CDC73: variants seen among roughly 807,000 people sequenced by gnomAD.
CDC73 encodes the protein parafibromin.
CDC73 carries 21 observed loss-of-function variants against 83.7 expected under a neutral mutation model. The ratio of observed to expected loss-of-function variants is 0.25; its 90% confidence interval spans 0.18 to 0.36. CDC73 has a LOEUF of 0.36. Ranked by LOEUF, CDC73 falls within the 10% of genes least tolerant of loss-of-function variation. CDC73 has a pLI of 1.00. For missense variants in CDC73, 342 were observed against 653.3 expected (o/e 0.52, Z 5.19); for synonymous variants, 224 against 212.9 (o/e 1.05, Z -0.45).
intron 10 of CDC73, among the ~76,000 whole-genome samples, chr1:193,153,671 T>C (rs1054404189): frequency 1.3e-5 from 2 of 152,242 alleles, no homozygotes; most frequent in African/African-American, 2.4e-5. Flanking sequence ...ATATCAGATA[T>C]TTTGTTAATA....
intron 13 of CDC73, among the ~76,000 whole-genome samples, chr1:193,227,002 T>C (rs1388139982): frequency 1.3e-5 from 2 of 152,176 alleles, no homozygotes; most frequent in African/African-American, 4.8e-5. Flanking sequence ...CTGCTTGTTA[T>C]TGGTCTGTTT....
chr1:193,168,426 A>G (rs1483759888), intron 10 of CDC73, among the ~76,000 whole-genome samples: 2 of 152,172 alleles, frequency 1.3e-5, no homozygotes, highest in Non-Finnish European at 2.9e-5. Context: ...AGTAAGGTAA[A>G]GCAATATAAT....
At chr1:193,227,816 G>A (rs1304649869) in intron 13 of CDC73, among the ~76,000 whole-genome samples, 1 of 152,162 alleles carries the variant, frequency 6.6e-6, no homozygotes, top group East Asian at 1.9e-4. Context: ...GGCCAGAGGT[G>A]ATTTGTTCAA....
chr1:193,127,654 A>G (rs1231449025), intron 2 of CDC73, among the ~76,000 whole-genome samples: 2 of 152,092 alleles, frequency 1.3e-5, no homozygotes, highest in African/African-American at 2.4e-5. Flanking sequence ...TGTAATTGTT[A>G]CTGTGGACCT....
At position 193,187,102 on chromosome 1, in the gene CDC73, TCC is replaced by T. The variant is rs3079946; in HGVS notation, c.973-16684_973-16683del. Among the ~76,000 whole-genome samples the T allele has an allele frequency of 3.0e-4, 10 of 32,876 alleles. 4 individuals are homozygous for T. The Middle Eastern group carries it at 0.15, about 500-fold the overall frequency. 21.6% of individuals were successfully genotyped at this position (32,876 alleles called of 152,430 possible). A position where few individuals can be genotyped will look rare whatever the true frequency, so the allele number is the denominator to read the frequency against. Reference sequence around the variant, plus strand: ...AAACCATGTATCTTTGTAATTTAGATCCCCCCCCCCGTTTTCTGGGGTTTGTA... The same window carrying T: ...AAACCATGTATCTTTGTAATTTAGATCCCCCCCCGTTTTCTGGGGTTTGTA... On this transcript the variant is annotated intron_variant, in intron 10 of 16. Coordinates refer to ENST00000367435, the MANE Select transcript of CDC73 (RefSeq NM_024529.5).
intron 10 of CDC73, among the ~76,000 whole-genome samples, chr1:193,167,163 C>T (rs1676448074): frequency 6.6e-6 from 1 of 152,124 alleles, no homozygotes; most frequent in Non-Finnish European, 1.5e-5. Context: ...CTTAGATGGA[C>T]TAAATTTGCC....
intron 5 of CDC73, among the ~76,000 whole-genome samples, chr1:193,137,148 C>CA (rs1403476974): frequency 6.6e-6 from 1 of 152,140 alleles, no homozygotes; most frequent in African/African-American, 2.4e-5. Flanking sequence ...ATCTAGGCTG[C>CA]AGTTATCTTT....
At chr1:193,136,465 ATTC>A (rs1186921188) in intron 5 of CDC73, 1 of 278,184 alleles carries the variant, frequency 3.6e-6, no homozygotes, top group Non-Finnish European at 8.3e-6. Flanking sequence ...GCTATGTGTT[ATTC>A]TAAGTACTTT....
intron 2 of CDC73, 145 bp downstream of exon 2, chr1:193,125,362 G>T: frequency 1.5e-6 from 1 of 677,204 alleles, no homozygotes; most frequent in Non-Finnish European, 2.7e-6. Flanking sequence ...AGGCTCAAGT[G>T]ATCTTCCCAC....
rs574554686 is a variant in CDC73 at position 193,234,382 on chromosome 1, A to G, written c.1316+1228A>G. On this transcript the variant is annotated intron_variant, in intron 14 of 16. Transcript: ENST00000367435. ...TTTAAAATTATAATTCTTCTCTGGT[A>G]CCTAATAGATACTTTGAGTAATATA... Among the ~76,000 whole-genome samples, 84 of 145,268 alleles carry G rather than the reference A, an allele frequency of 5.8e-4. No homozygotes were observed. In the Middle Eastern group the frequency reaches 0.011, roughly 19 times the overall value.
intron 1 of CDC73, 52 bp downstream of exon 1, chr1:193,122,383 C>T (rs1312032933): frequency 2.1e-5 from 34 of 1,611,540 alleles, no homozygotes; most frequent in Non-Finnish European, 2.9e-5. Context: ...GTTGGGCGCC[C>T]CCAGGCGACC....
chr1:193,147,364 T>TAA (rs1676019478), intron 7 of CDC73, among the ~76,000 whole-genome samples: 1 of 150,602 alleles, frequency 6.6e-6, no homozygotes, highest in Admixed American at 6.6e-5. Flanking sequence ...TTGTAGCAGT[T>TAA]TTTTTTTTCT....
intron 10 of CDC73, chr1:193,181,377 G>A (rs1175722246): frequency 6.2e-7 from 1 of 1,614,062 alleles, no homozygotes; most frequent in African/African-American, 1.3e-5. Flanking sequence ...CTCGGAAAGT[G>A]TATGTCACAG....
intron 13 of CDC73, among the ~76,000 whole-genome samples, chr1:193,231,980 A>G (rs1333832987): frequency 3.3e-5 from 5 of 152,184 alleles, no homozygotes; most frequent in Non-Finnish European, 7.4e-5. Flanking sequence ...TTATGTATAT[A>G]TTTAGAAAAT....
In CDC73 at chr1:193,233,004, C is replaced by T; in HGVS notation, c.1166C>T (p.Ser389Leu). ...CTGTTTTTTCAAAGATTTGTCCCAT[C>T]AGATGAAAAGAAGAAACAAGGTTGT... Reference protein sequence around the residue: ...DLLQDLKFVPSDEKKKQGCQR... With the variant: ...DLLQDLKFVPLDEKKKQGCQR... Residue 389 changes from serine to leucine, a missense_variant, in exon 14 of 17, where the codon TCA (serine) becomes TTA (leucine). Physicochemically the swap from Ser to Leu is moderately radical, Grantham distance 145. Coordinates refer to ENST00000367435, the MANE Select transcript of CDC73 (RefSeq NM_024529.5). 1.2e-6 allele frequency: 2 copies of T among 1,613,242 alleles called. No individual in the cohort carries two copies. The highest frequency in any genetic ancestry group is 1.7e-6 in the Non-Finnish European group (2 of 1,179,372).
chr1:193,145,185 A>G (rs143562730), intron 7 of CDC73, among the ~76,000 whole-genome samples: 1 of 152,346 alleles, frequency 6.6e-6, no homozygotes, highest in East Asian at 1.9e-4. Flanking sequence ...AAGTTCATTT[A>G]AAGTGCAAGG....
At chr1:193,145,248 A>C (rs140794084) in intron 7 of CDC73, among the ~76,000 whole-genome samples, 1 of 152,322 alleles carries the variant, frequency 6.6e-6, no homozygotes, top group Non-Finnish European at 1.5e-5. Context: ...TGTGGTTTCC[A>C]TGTTGCATTA....
intron 10 of CDC73, among the ~76,000 whole-genome samples, chr1:193,188,602 C>G (rs1676864210): frequency 6.6e-6 from 1 of 151,992 alleles, no homozygotes; most frequent in Admixed American, 6.6e-5. Context: ...ATAGGGGATA[C>G]AAAGTTGATT....
chr1:193,221,581 C>CA (rs1387026691), intron 13 of CDC73, among the ~76,000 whole-genome samples: 4 of 152,126 alleles, frequency 2.6e-5, no homozygotes, highest in African/African-American at 4.8e-5. Context: ...TTTCATTCTC[C>CA]ACTCTCAAGA....
Sources: allele counts gnomAD v4.1 joint callset (sites outside exome capture counted in the v4.1 genomes callset), GRCh38; gene constraint gnomAD v4.1.1; transcripts MANE v1.5; gene names NCBI Gene and HGNC (gene_info 2026-07-23, HGNC 2026-07-21).